Variants in IFT140 observed in about 807,000 individuals in gnomAD.
IFT140 encodes intraflagellar transport 140.
A neutral mutation model predicts 164.6 loss-of-function variants in IFT140; 133 were observed. That is an observed-to-expected ratio of 0.81 (90% CI 0.70 to 0.93). IFT140 has a LOEUF of 0.93. Among genes scored for constraint, IFT140 ranks in the 40% least tolerant of loss-of-function variants. The probability of loss-of-function intolerance (pLI) is 0.00; values close to 1 mark genes in which losing one functional copy is unlikely to be tolerated. For synonymous variants in IFT140, 860 were observed against 817.3 expected, an observed-to-expected ratio of 1.05 and a Z score of -0.89; for missense variants, 2,045 against 1,972.3, an observed-to-expected ratio of 1.04 and a Z score of -0.70.
At chr16:1,606,983 C>G (rs763600019) in intron 3 of IFT140, 137 bp downstream of exon 3, 2 of 828,032 alleles carry the variant, frequency 2.4e-6, no homozygotes, top group Non-Finnish European at 4.0e-6. Flanking sequence ...TACACATACA[C>G]GCACACACAG....
chr16:1,559,925 A>G (rs1475459431), intron 18 of IFT140, among the ~76,000 whole-genome samples: 1 of 152,242 alleles, frequency 6.6e-6, no homozygotes, highest in Non-Finnish European at 1.5e-5. Flanking sequence ...CTCTGGAACA[A>G]CAACTATGAG....
At chr16:1,538,070 C>T (rs1343415750) in intron 19 of IFT140, among the ~76,000 whole-genome samples, 3 of 152,170 alleles carry the variant, frequency 2.0e-5, no homozygotes, top group African/African-American at 2.4e-5. Context: ...CCCAGGAACC[C>T]GTATAACACC....
chr16:1,525,146 A>G (rs2040646460), intron 22 of IFT140, 85 bp downstream of exon 22: 1 of 1,263,774 alleles, frequency 7.9e-7, no homozygotes, highest in Non-Finnish European at 1.1e-6. Flanking sequence ...AAGCACGGGA[A>G]AGGGAGCCGT....
chr16:1,542,113 C>T, intron 19 of IFT140: 1 of 1,532,486 alleles, frequency 6.5e-7, no homozygotes, highest in Non-Finnish European at 8.8e-7. Context: ...CGCGCCCTTG[C>T]CCCCTGTGGC....
At chr16:1,537,201 T>A (rs534331617) in intron 19 of IFT140, among the ~76,000 whole-genome samples, 1 of 151,148 alleles carries the variant, frequency 6.6e-6, no homozygotes, top group Non-Finnish European at 1.5e-5. Flanking sequence ...GAAGACAACG[T>A]CACACCGCGT....
intron 4 of IFT140, among the ~76,000 whole-genome samples, chr16:1,600,838 G>C (rs939102962): frequency 6.6e-6 from 1 of 151,418 alleles, no homozygotes; most frequent in Non-Finnish European, 1.5e-5. Context: ...CAACTTGAGT[G>C]AGAGTCTATA....
rs114832254 is a variant in IFT140 at position 1,606,935 on chromosome 16, C to G, written c.147+185G>C. ...ACACACCCACGTGTGCGCACACACA[C>G]ACAGATGCAGACATACATATGCGCA... On this transcript the variant is annotated intron_variant, in intron 3 of 30. Coordinates refer to ENST00000426508, the MANE Select transcript of IFT140 (RefSeq NM_014714.4). 2.0e-5 allele frequency among the ~76,000 whole-genome samples: 3 copies of G among 151,684 alleles called. No homozygotes were observed. In the East Asian group the frequency reaches 5.8e-4, roughly 29 times the overall value.
intron 17 of IFT140, among the ~76,000 whole-genome samples, chr16:1,563,418 A>C (rs1171920423): frequency 2.7e-5 from 4 of 150,580 alleles, no homozygotes; most frequent in East Asian, 4.1e-4. Context: ...GCACCACTGC[A>C]CTCCAACCTG....
At chr16:1,517,299 G>A (rs561198740) in intron 30 of IFT140, among the ~76,000 whole-genome samples, 5 of 150,642 alleles carry the variant, frequency 3.3e-5, no homozygotes, top group African/African-American at 7.3e-5. Flanking sequence ...GCAGTGAGCC[G>A]AGATCGCGCC....
intron 2 of IFT140, chr16:1,610,267 T>C (rs977924084): frequency 3.9e-5 from 6 of 154,912 alleles, no homozygotes; most frequent in African/African-American, 1.4e-4. Flanking sequence ...GGCGGTTTGA[T>C]GCAACACGAC....
chr16:1,540,182 G>A (rs946592271), intron 19 of IFT140, among the ~76,000 whole-genome samples: 12 of 152,336 alleles, frequency 7.9e-5, no homozygotes, highest in Middle Eastern at 3.4e-3. Flanking sequence ...AGATGTGAGC[G>A]CTGGAGCAGC....
intron 2 of IFT140, chr16:1,610,028 G>C (rs1305558080): frequency 2.0e-5 from 3 of 152,382 alleles, no homozygotes; most frequent in Non-Finnish European, 2.9e-5. Flanking sequence ...TTTTGGGAAA[G>C]AATCTGTTAA....
intron 19 of IFT140, among the ~76,000 whole-genome samples, chr16:1,545,330 T>A (rs949810202): frequency 6.6e-6 from 1 of 152,114 alleles, no homozygotes; most frequent in Non-Finnish European, 1.5e-5. Context: ...CCCTGGTGTC[T>A]CGGTGGCTTT....
At chr16:1,548,935 T>C (rs897896058) in intron 19 of IFT140, among the ~76,000 whole-genome samples, 1 of 152,262 alleles carries the variant, frequency 6.6e-6, no homozygotes, top group Admixed American at 6.5e-5. Context: ...GGTTCCCTCA[T>C]GCCAGGCATC....
At chr16:1,597,642 C>T (rs139444491) in intron 4 of IFT140, among the ~76,000 whole-genome samples, 78 of 152,316 alleles carry the variant, frequency 5.1e-4, no homozygotes, top group African/African-American at 1.8e-3. Flanking sequence ...TGCTTGAACT[C>T]ATTACTAAAT....
chr16:1,596,267 G>A (rs1368589809), intron 4 of IFT140, among the ~76,000 whole-genome samples: 1 of 151,602 alleles, frequency 6.6e-6, no homozygotes, highest in African/African-American at 2.4e-5. Flanking sequence ...AGCATTTTAT[G>A]CACACCACAT....
chr16:1,520,099 G>A (rs2040474962), intron 28 of IFT140, 32 bp downstream of exon 28: 1 of 1,611,118 alleles, frequency 6.2e-7, no homozygotes, highest in South Asian at 1.1e-5. Context: ...CCCTCCCCGG[G>A]GCCCCGCTGG....
At chr16:1,587,326 C>T (rs776697830) in intron 8 of IFT140, 22 bp from the exon 9 acceptor site, 7 of 1,488,864 alleles carry the variant, frequency 4.7e-6, no homozygotes, top group Non-Finnish European at 6.6e-6. Flanking sequence ...GAAAGCAAGC[C>T]CCATGGAGGG....
At position 1,555,280 on chromosome 16, in the gene IFT140, C is replaced by T. The variant is rs930296332; in HGVS notation, c.2399+2655G>A. 4 of 495,758 alleles carry T rather than the reference C, an allele frequency of 8.1e-6. No individual in the cohort carries two copies. In the Admixed American group the frequency reaches 1.5e-4, roughly 18 times the overall value. 30.7% of individuals were successfully genotyped at this position (495,758 alleles called of 1,614,324 possible). A position where few individuals can be genotyped will look rare whatever the true frequency, so the allele number is the denominator to read the frequency against. ...CGCAACGCGGCTCCACGACCACACG[C>T]ACTTCAGGGTGGAAGCTGGAAGCTG... On this transcript the variant is annotated intron_variant, in intron 19 of 30. Coordinates refer to ENST00000426508, the MANE Select transcript of IFT140 (RefSeq NM_014714.4).
Sources: gnomAD v4.1 joint callset for allele counts (sites outside exome capture counted in the v4.1 genomes callset) on GRCh38, gnomAD v4.1.1 for gene constraint, MANE v1.5 for transcripts, NCBI Gene and HGNC (gene_info 2026-07-23, HGNC 2026-07-21) for gene names.